Variants in GALR1 observed in about 807,000 individuals in gnomAD.
The protein encoded by GALR1 is galanin receptor type 1.
In GALR1, 11 loss-of-function variants were observed where a neutral mutation model predicts 17.9. The ratio of observed to expected loss-of-function variants is 0.62; its 90% CI spans 0.39 to 1.02. The LOEUF is 1.02. GALR1 is among the 50% of genes least tolerant of loss of function. The pLI is 0.01. For missense variants in GALR1, 441 were observed against 456.9 expected (o/e 0.97, Z 0.32); for synonymous variants, 206 against 205.7 (o/e 1.00, Z -0.01).
In GALR1 at chr18:77,269,109, T is replaced by C. The variant is rs1913009553; in HGVS notation, c.*207T>C. 1 of 554,640 alleles carries C rather than the reference T, an allele frequency of 1.8e-6. No homozygotes were observed. The highest frequency in any genetic ancestry group is 3.5e-5 in the Admixed American group (1 of 28,312). 34.4% of individuals were successfully genotyped at this position (554,640 alleles called of 1,614,324 possible). ...TGAGAATTATTTTTCAATTTTATTT[T>C]AGTTCTAAATTATGTTTCAGAAACA... is the stretch of plus-strand genomic sequence containing the variant. On this transcript the variant is annotated 3_prime_UTR_variant, in exon 3 of 3. Coordinates refer to ENST00000299727, the MANE Select transcript of GALR1 (RefSeq NM_001480.4).
chr18:77,263,055 T>C (rs1250044116), intron 2 of GALR1, among the ~76,000 whole-genome samples: 1 of 152,240 alleles, frequency 6.6e-6, no homozygotes. Context: ...ATTTCTGCTT[T>C]GTACTTAGTA....
At chr18:77,252,816 C>G (rs556779736) in intron 1 of GALR1, among the ~76,000 whole-genome samples, 157 of 150,226 alleles carry the variant, frequency 1.0e-3, no homozygotes, top group Non-Finnish European at 1.9e-3. Context: ...CCACTGAACT[C>G]TAGCCTGGCT....
In GALR1 at chr18:77,268,946, A is replaced by G. The variant is rs755651870; in HGVS notation, c.*44A>G. On this transcript the variant is annotated 3_prime_UTR_variant, in exon 3 of 3. Coordinates refer to ENST00000299727, the MANE Select transcript of GALR1 (RefSeq NM_001480.4). Reference sequence around the variant, plus strand: ...TATGGTTGAGTTTCCATATAAGTGGACCAGACACAGAAACAAACAGAATGA... The same window carrying G: ...TATGGTTGAGTTTCCATATAAGTGGGCCAGACACAGAAACAAACAGAATGA... 2 of 1,409,600 alleles carry G rather than the reference A, an allele frequency of 1.4e-6. No individual in the cohort carries two copies. Among genetic ancestry groups the G allele is most frequent in the Non-Finnish European group, 9.9e-7 (1 of 1,010,978 alleles). 87.3% of individuals were successfully genotyped at this position (1,409,600 alleles called of 1,614,324 possible). A position where few individuals can be genotyped will look rare whatever the true frequency, so the allele number is the denominator to read the frequency against.
In GALR1 at chr18:77,251,141, AG is replaced by A. The variant is rs1436345245; in HGVS notation, c.595del (p.Ala199ProfsTer33). 11 of 1,613,048 alleles carry A rather than the reference AG, an allele frequency of 6.8e-6. No individual in the cohort carries two copies. The highest frequency in any genetic ancestry group is 8.5e-7 in the Non-Finnish European group (1 of 1,179,932). On this transcript the variant is annotated frameshift_variant, in exon 1 of 3. Coordinates refer to ENST00000299727, the MANE Select transcript of GALR1 (RefSeq NM_001480.4). LOFTEE classifies it high-confidence loss of function. ...CAGTGGCCCGACCCTCGCCACAAGA[AG>A]GCCTACGTGGTGTGCACCTTCGTCT... ...WEQWPDPRHK[K>X]AYVVCTFVFG... is the part of the protein sequence containing the mutation.
intron 1 of GALR1, among the ~76,000 whole-genome samples, chr18:77,252,887 C>CCACCAT (rs1912463433): frequency 1.3e-4 from 10 of 76,194 alleles, no homozygotes; most frequent in African/African-American, 4.6e-4. Context: ...ACCATCACCA[C>CCACCAT]CACCACCATC....
intron 2 of GALR1, among the ~76,000 whole-genome samples, chr18:77,261,151 AAT>A (rs1414449059): frequency 6.6e-6 from 1 of 152,222 alleles, no homozygotes; most frequent in Non-Finnish European, 1.5e-5. Context: ...AAGAGAGACT[AAT>A]ATTTTTTCAG....
chr18:77,258,803 G>GTGATGA (rs1292114109), intron 2 of GALR1, among the ~76,000 whole-genome samples: 8 of 133,138 alleles, frequency 6.0e-5, no homozygotes, highest in Non-Finnish European at 8.0e-5. Flanking sequence ...GGTGATGGTG[G>GTGATGA]TGGTGGTCAT....
At chr18:77,257,761 T>C (rs9966313) in intron 2 of GALR1, among the ~76,000 whole-genome samples, 112,808 of 152,170 alleles carry the variant, frequency 0.74, 43,443 homozygotes, top group Non-Finnish European at 0.84. Flanking sequence ...GAAGCCAACA[T>C]TGTAATGGAA....
intron 2 of GALR1, among the ~76,000 whole-genome samples, chr18:77,262,550 C>T (rs555781744): frequency 6.6e-6 from 1 of 152,276 alleles, no homozygotes. Context: ...CTGAATTGGA[C>T]TCACCTCAAA....
At position 77,263,827 on chromosome 18, in the gene GALR1, C is replaced by T. The variant is rs143274728; in HGVS notation, c.733-4758C>T. ...TTTCTATTGCAGTGGGACTCCAGTT[C>T]ATGGGAAGTGATAAGAAGAGTCTTT... On this transcript the variant is annotated intron_variant, in intron 2 of 2. Transcript: ENST00000299727. Among the ~76,000 whole-genome samples, 756 of 152,230 alleles carry T rather than the reference C, an allele frequency of 5.0e-3. 6 individuals are homozygous for T. The highest frequency in any genetic ancestry group is 0.017 in the African/African-American group (707 of 41,528).
At position 77,277,083 on chromosome 18, in the gene GALR1, G is replaced by C. The variant is rs1273338373; in HGVS notation, c.*8181G>C. ...TAAATATTTGCATGTCTTTCTATGTGACTGCTAATTTTTAACTACATTATT... is the reference window on the plus strand; with the variant it reads ...TAAATATTTGCATGTCTTTCTATGTCACTGCTAATTTTTAACTACATTATT... On this transcript the variant is annotated 3_prime_UTR_variant, in exon 3 of 3. Transcript: ENST00000299727. 1.3e-5 allele frequency: 2 copies of C among 152,050 alleles called. No homozygotes were observed. The highest frequency in any genetic ancestry group is 2.9e-5 in the Non-Finnish European group (2 of 68,008). 9.4% of individuals were successfully genotyped at this position (152,050 alleles called of 1,614,324 possible).
chr18:77,262,237 T>G (rs1000748429), intron 2 of GALR1, among the ~76,000 whole-genome samples: 56 of 151,828 alleles, frequency 3.7e-4, no homozygotes, highest in African/African-American at 1.2e-3. Flanking sequence ...AAAAAAAAGC[T>G]TTGCACTGGT....
At chr18:77,267,618 T>G (rs891097136) in intron 2 of GALR1, among the ~76,000 whole-genome samples, 1 of 152,236 alleles carries the variant, frequency 6.6e-6, no homozygotes, top group Non-Finnish European at 1.5e-5. Context: ...ACCAACTGAT[T>G]GGTTTGTATT....
rs1333237089 is a variant in GALR1 at position 77,276,316 on chromosome 18, A to C, written c.*7414A>C. On this transcript the variant is annotated 3_prime_UTR_variant, in exon 3 of 3. Transcript: ENST00000299727. ...GGTTTGGTCTGAATTCTGTTTTTTC[A>C]TTGCTACTGGAAGTGCTGTCTTTGG... 2.0e-5 allele frequency: 3 copies of C among 152,208 alleles called. No individual in the cohort carries two copies. The highest frequency in any genetic ancestry group is 1.3e-4 in the Admixed American group (2 of 15,282). The allele number at this position is 152,208 out of a possible 1,614,324, so 9.4% of individuals were successfully genotyped here.
chr18:77,258,591 ATGG>A (rs1252090273), intron 2 of GALR1, among the ~76,000 whole-genome samples: 2 of 9,652 alleles, frequency 2.1e-4, no homozygotes, highest in African/African-American at 2.9e-4. Flanking sequence ...CATGGTGGTG[ATGG>A]TGGTGGTCAT....
chr18:77,251,043 C>A lies in GALR1; in HGVS notation c.495C>A (p.Ala165=), dbSNP rs138670052. 405 of 1,606,680 alleles carry A rather than the reference C, an allele frequency of 2.5e-4. No homozygotes were observed. Among genetic ancestry groups the A allele is most frequent in the Non-Finnish European group, 3.1e-4 (364 of 1,179,880 alleles). Residue 165 remains alanine, a synonymous_variant, in exon 1 of 3, where the codon GCC becomes GCA. Transcript: ENST00000299727. The part of the protein sequence containing the change: ...GVGCIWALSI[A]MASPVAYHQG... ...GCTGCATCTGGGCGCTGTCCATTGC[C>A]ATGGCCTCGCCCGTGGCCTACCACC...
chr18:77,268,559 C>CTCG (rs1912990891), intron 2 of GALR1, 26 bp from the exon 3 acceptor site: 2 of 1,568,318 alleles, frequency 1.3e-6, no homozygotes, highest in East Asian at 4.5e-5. Flanking sequence ...CCTCCTCCTC[C>CTCG]TCCTCCTCCT....
intron 2 of GALR1, among the ~76,000 whole-genome samples, chr18:77,263,580 G>T (rs1010393): frequency 1.3e-5 from 2 of 152,090 alleles, no homozygotes; most frequent in Admixed American, 6.5e-5. Context: ...GGTGCCTCTC[G>T]ATAGGGAGCT....
chr18:77,262,038 A>G (rs1030050068), intron 2 of GALR1, among the ~76,000 whole-genome samples: 7 of 152,100 alleles, frequency 4.6e-5, no homozygotes, highest in African/African-American at 1.7e-4. Context: ...ATGTTGTCCA[A>G]GCTGGCCTAG....
Sources: gnomAD v4.1 joint callset for allele counts (sites outside exome capture counted in the v4.1 genomes callset) on GRCh38, gnomAD v4.1.1 for gene constraint, MANE v1.5 for transcripts, NCBI Gene and HGNC (gene_info 2026-07-23, HGNC 2026-07-21) for gene names.